The following CCDC85C variants were observed in gnomAD, a reference collection of about 807,000 sequenced individuals.
CCDC85C encodes coiled-coil domain containing 85C.
A neutral mutation model predicts 38.3 loss-of-function variants in CCDC85C; 18 were observed. The observed-to-expected ratio is 0.47, with a 90% confidence interval of 0.33 to 0.70. The LOEUF (loss-of-function observed/expected upper bound fraction) is 0.70, where lower values mean the gene tolerates loss of function less well. Among genes scored for constraint, CCDC85C ranks in the 30% least tolerant of loss-of-function variants. The pLI is 0.03. For missense variants in CCDC85C, 566 were observed against 621.2 expected (o/e 0.91, Z 0.94); for synonymous variants, 264 against 293.8 (o/e 0.90, Z 1.04).
chr14:99,515,160 G>C lies in CCDC85C; in HGVS notation c.*86C>G. Reference sequence around the variant, plus strand: ...CCACAGAGGAAGAAGACAGGGGCTGGGCTGGAGGTCCTGCCCGTGTCTGGG... The same window carrying C: ...CCACAGAGGAAGAAGACAGGGGCTGCGCTGGAGGTCCTGCCCGTGTCTGGG... On this transcript the variant is annotated 3_prime_UTR_variant, in exon 6 of 6. Coordinates refer to ENST00000380243, the MANE Select transcript of CCDC85C (RefSeq NM_001144995.2). 1.1e-6 allele frequency: 1 copy of C among 938,662 alleles called. No individual in the cohort carries two copies. The highest frequency in any genetic ancestry group is 1.6e-6 in the Non-Finnish European group (1 of 612,030). The allele number at this position is 938,662 out of a possible 1,614,324, so 58.1% of individuals were successfully genotyped here.
intron 2 of CCDC85C, among the ~76,000 whole-genome samples, chr14:99,525,256 G>A (rs1187966273): frequency 6.6e-6 from 1 of 152,228 alleles, no homozygotes; most frequent in Non-Finnish European, 1.5e-5. Flanking sequence ...GGCCTCTGCA[G>A]TGCGGCCCAG....
chr14:99,550,426 A>T lies in CCDC85C; in HGVS notation c.794-14338T>A, dbSNP rs796138396. On this transcript the variant is annotated intron_variant, in intron 1 of 5. Coordinates refer to ENST00000380243, the MANE Select transcript of CCDC85C (RefSeq NM_001144995.2). ...CCCTCTGGCCCCTAGAAGGGAACGC[A>T]GCCCTGCTGATGCCTTGATTTTGGC... is the stretch of plus-strand genomic sequence containing the variant. Among the ~76,000 whole-genome samples, 39 of 152,302 alleles carry T rather than the reference A, an allele frequency of 2.6e-4. 1 individual carries two copies. Among genetic ancestry groups the T allele is most frequent in the African/African-American group, 9.1e-4 (38 of 41,566 alleles).
rs1038306913 is a variant in CCDC85C at position 99,520,680 on chromosome 14, C to T, written c.975+1453G>A. Among the ~76,000 whole-genome samples, 1 of 152,174 alleles carries T rather than the reference C, an allele frequency of 6.6e-6. No individual in the cohort carries two copies. On this transcript the variant is annotated intron_variant, in intron 3 of 5. Coordinates refer to ENST00000380243, the MANE Select transcript of CCDC85C (RefSeq NM_001144995.2). The surrounding 1 kb of genome is among the most constrained non-coding windows in gnomAD (Gnocchi z 4.1). ...CTCCTGGCCTCATGGAGGAGCGACC[C>T]CTGCACAGCCCCCACGCTGGCCCCT...
In CCDC85C at chr14:99,544,972, C is replaced by G. The variant is rs887673739; in HGVS notation, c.794-8884G>C. Among the ~76,000 whole-genome samples the G allele has an allele frequency of 6.6e-6, 1 of 152,192 alleles. No homozygotes were observed. Among genetic ancestry groups the G allele is most frequent in the Non-Finnish European group, 1.5e-5 (1 of 68,034 alleles). The stretch of plus-strand genomic sequence containing the variant: ...GACCGGAGCCCCACACTCTCCATCT[C>G]ACACTTCCACAGCCGGATTAGAAAT... On this transcript the variant is annotated intron_variant, in intron 1 of 5. Transcript: ENST00000380243. The surrounding 1 kb of genome is among the most constrained non-coding windows in gnomAD (Gnocchi z 5.3).
chr14:99,532,996 G>A (rs1160857503), intron 2 of CCDC85C, among the ~76,000 whole-genome samples: 1 of 152,110 alleles, frequency 6.6e-6, no homozygotes, highest in Non-Finnish European at 1.5e-5. Flanking sequence ...TGCCCAGGCT[G>A]ATCTCAAATT....
At chr14:99,568,517 A>C (rs1898268595) in intron 1 of CCDC85C, among the ~76,000 whole-genome samples, 1 of 151,946 alleles carries the variant, frequency 6.6e-6, no homozygotes, top group African/African-American at 2.4e-5. Context: ...GCACACCTAG[A>C]AGACAGCACC....
chr14:99,577,678 AGTGTGTGTGT>A (rs56254947), intron 1 of CCDC85C, among the ~76,000 whole-genome samples: 2 of 141,838 alleles, frequency 1.4e-5, no homozygotes, highest in African/African-American at 2.7e-5. Context: ...ATCCCCCATC[AGTGTGTGTGT>A]GTGTGTGTGT....
intron 2 of CCDC85C, among the ~76,000 whole-genome samples, chr14:99,534,208 A>G (rs539431821): frequency 4.5e-4 from 68 of 151,940 alleles, no homozygotes; most frequent in Admixed American, 1.0e-3. Flanking sequence ...ATACAAAACT[A>G]GCCAGGCGTG....
chr14:99,571,222 T>C (rs1367976774), intron 1 of CCDC85C, among the ~76,000 whole-genome samples: 1 of 151,986 alleles, frequency 6.6e-6, no homozygotes, highest in Non-Finnish European at 1.5e-5. Flanking sequence ...AGAAGTCCCT[T>C]CCAGAACCAA....
intron 2 of CCDC85C, among the ~76,000 whole-genome samples, chr14:99,529,360 T>TTGTG (rs555477281): frequency 3.6e-4 from 55 of 151,378 alleles, no homozygotes; most frequent in African/African-American, 1.1e-3. Flanking sequence ...GTGTGCAGTT[T>TTGTG]TGTGTGTGTG....
Position 99,501,256 on chromosome 14 carries a change from T to C in CCDC85C, c.*13990A>G, listed in dbSNP as rs892518510. On this transcript the variant is annotated 3_prime_UTR_variant, in exon 6 of 6. Coordinates refer to ENST00000380243, the MANE Select transcript of CCDC85C (RefSeq NM_001144995.2). ...CACGCAAAAGCTCTTTGCTGTGTAT[T>C]TGAGTGGTGCTGAACACGTGGTAGG... 3 of 776,098 alleles carry C rather than the reference T, an allele frequency of 3.9e-6. No individual in the cohort carries two copies. In the African/African-American group the frequency reaches 5.1e-5, roughly 13 times the overall value. The allele number at this position is 776,098 out of a possible 1,614,324, so 48.1% of individuals were successfully genotyped here. A position where few individuals can be genotyped will look rare whatever the true frequency, so the allele number is the denominator to read the frequency against.
At chr14:99,598,950 T>C (rs2055171424) in intron 1 of CCDC85C, among the ~76,000 whole-genome samples, 1 of 152,080 alleles carries the variant, frequency 6.6e-6, no homozygotes, top group South Asian at 2.1e-4. Context: ...CCCTCCTTTC[T>C]GAGGCCCAGC....
At position 99,513,894 on chromosome 14, in the gene CCDC85C, TCACA is replaced by T. The variant is rs767999146; in HGVS notation, c.*1348_*1351del. 6.6e-6 allele frequency: 1 copy of T among 152,312 alleles called. No individual in the cohort carries two copies. Among genetic ancestry groups the T allele is most frequent in the African/African-American group, 2.4e-5 (1 of 41,466 alleles). 9.4% of individuals were successfully genotyped at this position (152,312 alleles called of 1,614,324 possible). On this transcript the variant is annotated 3_prime_UTR_variant, in exon 6 of 6. Coordinates refer to ENST00000380243, the MANE Select transcript of CCDC85C (RefSeq NM_001144995.2). Reference sequence around the variant, plus strand: ...TCACCCCCTCTAGGCCTTACTTTCCTCACACACACAGTTTTCTATTGCACTTTAC... The same window carrying T: ...TCACCCCCTCTAGGCCTTACTTTCCTCACACAGTTTTCTATTGCACTTTAC...
intron 1 of CCDC85C, among the ~76,000 whole-genome samples, chr14:99,554,321 AGG>A (rs200840161): frequency 3.7e-5 from 4 of 107,126 alleles, no homozygotes; most frequent in East Asian, 2.9e-4. Context: ...CTTCGTTTCT[AGG>A]GAGATACACC....
rs145133034 is a variant in CCDC85C at position 99,587,159 on chromosome 14, T to C, written c.793+16008A>G. ...GCCTGCCAGAGGTCTCACACCACCA[T>C]GGGGCATTAAAAGGATAAAATCTCA... On this transcript the variant is annotated intron_variant, in intron 1 of 5. Coordinates refer to ENST00000380243, the MANE Select transcript of CCDC85C (RefSeq NM_001144995.2). Among the ~76,000 whole-genome samples, 712 of 152,332 alleles carry C rather than the reference T, an allele frequency of 4.7e-3. 6 individuals are homozygous for C. The highest frequency in any genetic ancestry group is 0.01 in the Middle Eastern group (3 of 294).
chr14:99,592,553 C>T (rs1048987277), intron 1 of CCDC85C, among the ~76,000 whole-genome samples: 7 of 152,116 alleles, frequency 4.6e-5, no homozygotes, highest in Admixed American at 2.6e-4. Context: ...GGAAGACAAT[C>T]CCAGGGGGAA....
chr14:99,519,462 C>T (rs540578805), intron 3 of CCDC85C, among the ~76,000 whole-genome samples: 1 of 152,182 alleles, frequency 6.6e-6, no homozygotes, highest in African/African-American at 2.4e-5. Flanking sequence ...AAGAGAATGG[C>T]TTGCCCAAGA....
At chr14:99,577,415 T>C (rs1566779982) in intron 1 of CCDC85C, among the ~76,000 whole-genome samples, 1 of 131,142 alleles carries the variant, frequency 7.6e-6, no homozygotes, top group African/African-American at 2.8e-5. Flanking sequence ...ACAGGGTGGG[T>C]GGGACAGACA....
At chr14:99,585,601 C>T (rs1416371269) in intron 1 of CCDC85C, among the ~76,000 whole-genome samples, 6 of 152,232 alleles carry the variant, frequency 3.9e-5, no homozygotes, top group Admixed American at 6.5e-5. Flanking sequence ...ACCACACACG[C>T]GTCTTGTTTG....
Sources: gnomAD v4.1 joint callset for allele counts (sites outside exome capture counted in the v4.1 genomes callset) on GRCh38, gnomAD v4.1.1 for gene constraint, Gnocchi (gnomAD v3.1) non-coding constraint, MANE v1.5 for transcripts, NCBI Gene and HGNC (gene_info 2026-07-23, HGNC 2026-07-21) for gene names.